Variants in KLRD1 observed in about 807,000 individuals in gnomAD.
The protein encoded by KLRD1 is natural killer cells antigen CD94.
In KLRD1, 21 loss-of-function variants were observed where a neutral mutation model predicts 22.6. The ratio of observed to expected loss-of-function variants is 0.93; its 90% CI spans 0.66 to 1.34. The LOEUF is 1.34. KLRD1 is among the 40% of genes most tolerant of loss of function. The pLI is 0.00. For synonymous variants in KLRD1, 59 were observed against 71.1 expected (o/e 0.83, Z 0.85); for missense variants, 183 against 208.6 (o/e 0.88, Z 0.76).
chr12:10,239,575 CTTTCTTTCTTTT>C (rs1565443499), intron 1 of KLRD1, among the ~76,000 whole-genome samples: 2 of 117,390 alleles, frequency 1.7e-5, no homozygotes, highest in East Asian at 2.4e-4. Flanking sequence ...TTCTTTCTTT[CTTTCTTTCTTTT>C]TCTTTCTTTC....
Position 10,325,399 on chromosome 12 carries a change from TAAC to T in KLRD1, c.*10609_*10611del, listed in dbSNP as rs1004898269. On this transcript the variant is annotated 3_prime_UTR_variant, in exon 6 of 6. Coordinates refer to ENST00000336164, the MANE Select transcript of KLRD1 (RefSeq NM_002262.5). ...AAATACAACATAAGATCTATCCTCT[TAAC>T]AAATTTTCAAGTCTACAGTACAGTA... 1.3e-5 allele frequency: 2 copies of T among 152,172 alleles called. No individual in the cohort carries two copies. The highest frequency in any genetic ancestry group is 4.8e-5 in the African/African-American group (2 of 41,458). The allele number at this position is 152,172 out of a possible 1,614,324, so 9.4% of individuals were successfully genotyped here. A position where few individuals can be genotyped will look rare whatever the true frequency, so the allele number is the denominator to read the frequency against.
Position 10,317,761 on chromosome 12 carries a change from C to T in KLRD1, c.*2968C>T, listed in dbSNP as rs1217293691. 2 of 152,148 alleles carry T rather than the reference C, an allele frequency of 1.3e-5. No individual in the cohort carries two copies. Among genetic ancestry groups the T allele is most frequent in the African/African-American group, 2.4e-5 (1 of 41,428 alleles). 9.4% of individuals were successfully genotyped at this position (152,148 alleles called of 1,614,324 possible). The stretch of plus-strand genomic sequence containing the variant: ...TTCTTATGCTGCTACTAAAGATATA[C>T]CCAAGACTGGGAAATTTATAAAATA... On this transcript the variant is annotated 3_prime_UTR_variant, in exon 6 of 6. Coordinates refer to ENST00000336164, the MANE Select transcript of KLRD1 (RefSeq NM_002262.5).
intron 1 of KLRD1, among the ~76,000 whole-genome samples, chr12:10,296,003 ATAATT>A (rs1213062175): frequency 6.6e-6 from 1 of 152,202 alleles, no homozygotes; most frequent in African/African-American, 2.4e-5. Context: ...ACTCCTCTCT[ATAATT>A]TATTTTTAAA....
chr12:10,287,374 AT>A (rs1199349707), intron 1 of KLRD1, among the ~76,000 whole-genome samples: 11 of 151,742 alleles, frequency 7.2e-5, no homozygotes, highest in Non-Finnish European at 1.2e-4. Flanking sequence ...ATAACTCCGA[AT>A]TTTTTTTTAT....
chr12:10,321,271 GTAT>G lies in KLRD1; in HGVS notation c.*6480_*6482del, dbSNP rs908907644. 6.6e-6 allele frequency: 1 copy of G among 152,188 alleles called. No homozygotes were observed. The highest frequency in any genetic ancestry group is 1.5e-5 in the Non-Finnish European group (1 of 68,036). 9.4% of individuals were successfully genotyped at this position (152,188 alleles called of 1,614,324 possible). On this transcript the variant is annotated 3_prime_UTR_variant, in exon 6 of 6. Transcript: ENST00000336164. Reference sequence around the variant, plus strand: ...AGTGTATAAGGGAAGGAAATCTCTAGTATTGTTAATTTCACAAGCCTTCACATG... The same window carrying G: ...AGTGTATAAGGGAAGGAAATCTCTAGTGTTAATTTCACAAGCCTTCACATG...
rs1297892365 is a variant in KLRD1 at position 10,308,023 on chromosome 12, T to C, written c.-55T>C. The C allele has an allele frequency of 6.4e-7, 1 of 1,554,656 alleles. No individual in the cohort carries two copies. Among genetic ancestry groups the C allele is most frequent in the Non-Finnish European group, 8.9e-7 (1 of 1,126,388 alleles). On this transcript the variant is annotated 5_prime_UTR_variant, in exon 1 of 6. Transcript: ENST00000336164. ...GCTTCAACAATTCAACGCTGTTCTT[T>C]CTGAAAAAGTACACATCGTGCCTTC...
chr12:10,305,935 G>A (rs11053736), upstream of KLRD1, among the ~76,000 whole-genome samples: 3,281 of 152,192 alleles, frequency 0.022, 94 homozygotes, highest in African/African-American at 0.063. Context: ...GGCCGAGGCG[G>A]GCGGATCACG....
chr12:10,243,993 T>A (rs376479105), intron 1 of KLRD1, among the ~76,000 whole-genome samples: 8 of 152,288 alleles, frequency 5.3e-5, no homozygotes, highest in East Asian at 3.9e-4. Flanking sequence ...CTTGCCTGTC[T>A]ATGTGGTTAG....
rs1162955865 is a variant in KLRD1, at chr12:10,326,408, A to G, written c.*11615A>G. ...AGGAGGTCCTGCTGACATGTGCCCAAGGTGGTCAGGGCACAGTTTGGTTTT... is the reference window on the plus strand; with the variant it reads ...AGGAGGTCCTGCTGACATGTGCCCAGGGTGGTCAGGGCACAGTTTGGTTTT... On this transcript the variant is annotated 3_prime_UTR_variant, in exon 6 of 6. Transcript: ENST00000336164. 6.6e-6 allele frequency: 1 copy of G among 152,236 alleles called. No individual in the cohort carries two copies. The highest frequency in any genetic ancestry group is 1.5e-5 in the Non-Finnish European group (1 of 68,060). 9.4% of individuals were successfully genotyped at this position (152,236 alleles called of 1,614,324 possible). A position where few individuals can be genotyped will look rare whatever the true frequency, so the allele number is the denominator to read the frequency against.
chr12:10,259,827 G>A (rs117779531), intron 1 of KLRD1, among the ~76,000 whole-genome samples: 75 of 152,252 alleles, frequency 4.9e-4, no homozygotes, highest in Non-Finnish European at 9.9e-4. Flanking sequence ...TTAGCCAGGC[G>A]TTTTGGCACA....
chr12:10,312,597 C>G (rs1414781642), intron 4 of KLRD1, among the ~76,000 whole-genome samples: 5 of 142,428 alleles, frequency 3.5e-5, no homozygotes, highest in African/African-American at 1.3e-4. Context: ...CCAGGATGGT[C>G]TCGATCTTCT....
intron 4 of KLRD1, among the ~76,000 whole-genome samples, chr12:10,311,843 G>A (rs1180716599): frequency 1.3e-5 from 2 of 152,064 alleles, no homozygotes; most frequent in Non-Finnish European, 2.9e-5. Flanking sequence ...CAAATAAAGT[G>A]AAAGAAACTT....
intron 1 of KLRD1, among the ~76,000 whole-genome samples, chr12:10,296,996 A>G (rs906931515): frequency 1.3e-5 from 2 of 152,182 alleles, no homozygotes; most frequent in Non-Finnish European, 2.9e-5. Context: ...TGTTTTTTCA[A>G]GTTTAATCTA....
chr12:10,253,941 G>C (rs1350839606), intron 1 of KLRD1, among the ~76,000 whole-genome samples: 1 of 152,080 alleles, frequency 6.6e-6, no homozygotes, highest in East Asian at 1.9e-4. Flanking sequence ...CCCAGTAATG[G>C]GATTGTTGAA....
intron 1 of KLRD1, among the ~76,000 whole-genome samples, chr12:10,271,140 A>G (rs1949546476): frequency 6.6e-6 from 1 of 151,696 alleles, no homozygotes; most frequent in African/African-American, 2.4e-5. Flanking sequence ...TTGTAACAGA[A>G]CTAGGTTAAG....
chr12:10,286,477 A>G (rs1813258465), intron 1 of KLRD1, among the ~76,000 whole-genome samples: 1 of 151,912 alleles, frequency 6.6e-6, no homozygotes, highest in Admixed American at 6.5e-5. Context: ...TAAAGGGGTT[A>G]TGTAACCTAC....
chr12:10,247,344 G>T (rs1949302316), intron 1 of KLRD1, among the ~76,000 whole-genome samples: 1 of 150,820 alleles, frequency 6.6e-6, no homozygotes, highest in African/African-American at 2.4e-5. Flanking sequence ...ATGTGATTTA[G>T]TTAGTTGGTT....
chr12:10,251,963 C>T (rs536772227), intron 1 of KLRD1, among the ~76,000 whole-genome samples: 10 of 152,138 alleles, frequency 6.6e-5, no homozygotes, highest in Admixed American at 6.5e-5. Context: ...GCCACAGTAC[C>T]GGTCTGTGGC....
chr12:10,302,815 T>A (rs1448189300), upstream of KLRD1, among the ~76,000 whole-genome samples: 2 of 151,746 alleles, frequency 1.3e-5, no homozygotes, highest in Non-Finnish European at 2.9e-5. Context: ...ATTGATGCTA[T>A]CTATAGGAGC....
Sources: allele counts gnomAD v4.1 joint callset (sites outside exome capture counted in the v4.1 genomes callset), GRCh38; gene constraint gnomAD v4.1.1; transcripts MANE v1.5; gene names NCBI Gene and HGNC (gene_info 2026-07-23, HGNC 2026-07-21).